CDH8: variants seen among roughly 807,000 people sequenced by gnomAD.
CDH8 encodes cadherin-8.
In CDH8, 17 loss-of-function variants were observed where a neutral mutation model predicts 68.1. The observed-to-expected ratio is 0.25, with a 90% CI of 0.17 to 0.37. The LOEUF (loss-of-function observed/expected upper bound fraction) is 0.37. CDH8 is among the 10% of genes least tolerant of loss of function. CDH8 has a pLI of 1.00. For synonymous variants in CDH8, 372 were observed against 365.1 expected, an observed-to-expected ratio of 1.02 and a Z score of -0.21; for missense variants, 763 against 999.3, an observed-to-expected ratio of 0.76 and a Z score of 3.19.
chr16:61,647,333 C>T lies in CDH8; in HGVS notation c.*6275G>A. On this transcript the variant is annotated 3_prime_UTR_variant, in exon 12 of 12. Transcript: ENST00000577390. ...TATAAATTTTGGCTCTAACATTGAG[C>T]CAAAAACATCCATTCACATACTCAA... The T allele has an allele frequency of 6.6e-6, 1 of 151,368 alleles. No individual in the cohort carries two copies. The highest frequency in any genetic ancestry group is 1.5e-5 in the Non-Finnish European group (1 of 67,772). The allele number at this position is 151,368 out of a possible 1,614,324, so 9.4% of individuals were successfully genotyped here. A position where few individuals can be genotyped will look rare whatever the true frequency, so the allele number is the denominator to read the frequency against.
At chr16:61,828,401 A>G (rs1322056130) in intron 4 of CDH8, among the ~76,000 whole-genome samples, 1 of 151,844 alleles carries the variant, frequency 6.6e-6, no homozygotes, top group Non-Finnish European at 1.5e-5. Flanking sequence ...TGCTTTCACT[A>G]TTCTACAGAC....
chr16:61,851,636 TG>T (rs1269485571), intron 4 of CDH8, among the ~76,000 whole-genome samples: 2 of 151,220 alleles, frequency 1.3e-5, no homozygotes, highest in Non-Finnish European at 2.9e-5. Flanking sequence ...CATATGGTAT[TG>T]GGGGTGGCAG....
chr16:61,717,290 G>A (rs1256871562), intron 9 of CDH8, among the ~76,000 whole-genome samples: 2 of 151,592 alleles, frequency 1.3e-5, no homozygotes. Context: ...GCATATCTGG[G>A]ATGTTGGGAT....
At chr16:61,856,868 T>G (rs1963056682) in intron 4 of CDH8, among the ~76,000 whole-genome samples, 1 of 152,122 alleles carries the variant, frequency 6.6e-6, no homozygotes, top group South Asian at 2.1e-4. Context: ...ATTCTTCCCT[T>G]TATTCCAGGA....
intron 10 of CDH8, among the ~76,000 whole-genome samples, chr16:61,679,129 T>G (rs968863582): frequency 2.0e-5 from 3 of 152,028 alleles, no homozygotes; most frequent in Admixed American, 2.0e-4. Flanking sequence ...AGGCTAAAGA[T>G]TTAATAAAAG....
At chr16:61,996,155 C>G (rs1965801718) in intron 2 of CDH8, among the ~76,000 whole-genome samples, 3 of 152,206 alleles carry the variant, frequency 2.0e-5, no homozygotes, top group Non-Finnish European at 4.4e-5. Context: ...TATTTCGTAG[C>G]TTAGAATATC....
chr16:61,771,792 T>C (rs1295247630), intron 8 of CDH8, among the ~76,000 whole-genome samples: 1 of 151,972 alleles, frequency 6.6e-6, no homozygotes, highest in Non-Finnish European at 1.5e-5. Context: ...TTTTAACCAA[T>C]AAGAAATAAA....
chr16:61,771,725 A>G (rs1018253177), intron 8 of CDH8, among the ~76,000 whole-genome samples: 37 of 152,082 alleles, frequency 2.4e-4, no homozygotes, highest in African/African-American at 8.4e-4. Flanking sequence ...ACACATACAT[A>G]TATTCTGTAC....
rs551461065 is a variant in CDH8, at chr16:61,879,230, G to A, written c.547+21949C>T. Among the ~76,000 whole-genome samples the A allele has an allele frequency of 4.5e-4, 68 of 152,258 alleles. 2 individuals are homozygous for A. In the South Asian group the frequency reaches 0.013, roughly 30 times the overall value. The stretch of plus-strand genomic sequence containing the variant: ...ATATTGAATCATCAAGTAAAAGAAT[G>A]TTCTTGTTTAAAGTGACTTCCTCTT... On this transcript the variant is annotated intron_variant, in intron 3 of 11. Coordinates refer to ENST00000577390, the MANE Select transcript of CDH8 (RefSeq NM_001796.5).
At position 61,652,433 on chromosome 16, in the gene CDH8, G is replaced by A; in HGVS notation, c.*1175C>T. The A allele has an allele frequency of 1.0e-6, 1 of 985,050 alleles. No homozygotes were observed. Among genetic ancestry groups the A allele is most frequent in the Non-Finnish European group, 1.2e-6 (1 of 829,494 alleles). The allele number at this position is 985,050 out of a possible 1,614,324, so 61.0% of individuals were successfully genotyped here. A position where few individuals can be genotyped will look rare whatever the true frequency, so the allele number is the denominator to read the frequency against. ...AATCAATATACTTTAGGATGTTTGT[G>A]CTTGTAGTAAAAACACCAAATACTA... On this transcript the variant is annotated 3_prime_UTR_variant, in exon 12 of 12. Coordinates refer to ENST00000577390, the MANE Select transcript of CDH8 (RefSeq NM_001796.5).
chr16:61,753,778 G>T (rs1294344751), intron 8 of CDH8, among the ~76,000 whole-genome samples: 2 of 151,994 alleles, frequency 1.3e-5, no homozygotes, highest in East Asian at 3.9e-4. Context: ...TTGAGCCAAA[G>T]AATTAATATG....
chr16:61,719,960 T>C (rs913146493), intron 9 of CDH8, among the ~76,000 whole-genome samples: 15 of 149,850 alleles, frequency 1.0e-4, no homozygotes, highest in Non-Finnish European at 1.3e-4. Flanking sequence ...ATGTTTAATT[T>C]TGTCTAATTT....
At position 61,829,092 on chromosome 16, in the gene CDH8, G is replaced by A. The variant is rs1962401132; in HGVS notation, c.668-3913C>T. 2.6e-5 allele frequency among the ~76,000 whole-genome samples: 4 copies of A among 151,712 alleles called. No individual in the cohort carries two copies. The South Asian group carries it at 8.3e-4, about 31-fold the overall frequency. ...GCCCCAATTAACTCCTTTACTTTCT[G>A]GCTTTTTGTTAGGCTCCACCAATAT... On this transcript the variant is annotated intron_variant, in intron 4 of 11. Coordinates refer to ENST00000577390, the MANE Select transcript of CDH8 (RefSeq NM_001796.5).
In CDH8 at chr16:62,034,673, G is replaced by T. The variant is rs1336591242; in HGVS notation, c.-200+1407C>A. Among the ~76,000 whole-genome samples, 5 of 152,174 alleles carry T rather than the reference G, an allele frequency of 3.3e-5. No homozygotes were observed. The East Asian group carries it at 7.8e-4, about 24-fold the overall frequency. On this transcript the variant is annotated intron_variant, in intron 1 of 11. Coordinates refer to ENST00000577390, the MANE Select transcript of CDH8 (RefSeq NM_001796.5). ...AGCTGATCTGATTAGCAGCTCGGGC[G>T]CGCTAAGGGATTGTCGAATCATGCC...
chr16:61,731,080 C>T (rs1481462778), intron 8 of CDH8, among the ~76,000 whole-genome samples: 2 of 151,618 alleles, frequency 1.3e-5, no homozygotes, highest in Admixed American at 6.6e-5. Context: ...GTTTCAAAGC[C>T]ATGGCTCAAA....
chr16:61,929,901 CA>C (rs1964513198), intron 2 of CDH8, among the ~76,000 whole-genome samples: 2 of 151,896 alleles, frequency 1.3e-5, no homozygotes, highest in Non-Finnish European at 2.9e-5. Flanking sequence ...TTAAACAAAA[CA>C]AAACAAAAAA....
Position 61,649,431 on chromosome 16 carries a change from T to C in CDH8, c.*4177A>G, listed in dbSNP as rs1963272782. On this transcript the variant is annotated 3_prime_UTR_variant, in exon 12 of 12. Coordinates refer to ENST00000577390, the MANE Select transcript of CDH8 (RefSeq NM_001796.5). Reference sequence around the variant, plus strand: ...ATATGTGCATATTTATATATATGAATATATTTATAAATATATGTATAAGGA... The same window carrying C: ...ATATGTGCATATTTATATATATGAACATATTTATAAATATATGTATAAGGA... 2 of 150,952 alleles carry C rather than the reference T, an allele frequency of 1.3e-5. No individual in the cohort carries two copies. 9.4% of individuals were successfully genotyped at this position (150,952 alleles called of 1,614,324 possible). A position where few individuals can be genotyped will look rare whatever the true frequency, so the allele number is the denominator to read the frequency against.
chr16:61,773,107 T>C (rs1960819546), intron 8 of CDH8, among the ~76,000 whole-genome samples: 1 of 152,094 alleles, frequency 6.6e-6, no homozygotes, highest in Admixed American at 6.6e-5. Context: ...TTCACGTTCC[T>C]GATTCCCCTC....
intron 5 of CDH8, among the ~76,000 whole-genome samples, chr16:61,822,490 A>T (rs1420430381): frequency 1.3e-5 from 2 of 151,766 alleles, no homozygotes; most frequent in African/African-American, 2.4e-5. Context: ...TTCGAGCTCA[A>T]ATCCACTGAG....
Sources: allele counts gnomAD v4.1 joint callset (sites outside exome capture counted in the v4.1 genomes callset), GRCh38; gene constraint gnomAD v4.1.1; transcripts MANE v1.5; gene names NCBI Gene and HGNC (gene_info 2026-07-23, HGNC 2026-07-21).